Variants in KANSL3 observed in about 807,000 individuals in gnomAD.
KANSL3 encodes KAT8 regulatory NSL complex subunit 3.
KANSL3 carries 16 observed loss-of-function variants against 89.2 expected under a neutral mutation model. The ratio of observed to expected loss-of-function variants is 0.18; its 90% confidence interval spans 0.12 to 0.27. KANSL3 has a LOEUF of 0.27. Ranked by LOEUF, KANSL3 falls within the 10% of genes least tolerant of loss-of-function variation. The probability of loss-of-function intolerance (pLI) is 1.00; values close to 1 mark genes in which losing one functional copy is unlikely to be tolerated. For missense variants in KANSL3, 879 were observed against 1,110.6 expected (o/e 0.79, Z 2.96); for synonymous variants, 385 against 419.7 (o/e 0.92, Z 1.01).
At chr2:96,583,447 A>G in the KANSL3 span, among the ~76,000 whole-genome samples, 1 of 152,154 alleles carries the variant, frequency 6.6e-6, no homozygotes, top group African/African-American at 2.4e-5. Context: ...GTCTCTCTCA[A>G]TCATGATCTG....
chr2:96,580,737 T>C, the KANSL3 span, among the ~76,000 whole-genome samples: 1 of 152,256 alleles, frequency 6.6e-6, no homozygotes, highest in East Asian at 1.9e-4. Flanking sequence ...AAAAGTGTCA[T>C]GTGTGGAATC....
intron 14 of KANSL3, chr2:96,606,947 A>G (rs1472194798): frequency 8.0e-7 from 1 of 1,244,188 alleles, no homozygotes; most frequent in Admixed American, 2.3e-5. Context: ...GTGGACGAGC[A>G]GGCAAGAAAG....
At chr2:96,612,639 C>A in intron 7 of KANSL3, 76 bp from the exon 8 acceptor site, 1 of 1,337,398 alleles carries the variant, frequency 7.5e-7, no homozygotes. Context: ...CTAACCTAAA[C>A]CCAAAACCTT....
intron 20 of KANSL3, chr2:96,598,134 A>G: frequency 1.0e-6 from 1 of 985,438 alleles, no homozygotes; most frequent in South Asian, 4.7e-5. Flanking sequence ...GTTGTCCATC[A>G]ACATGGCATC....
intron 14 of KANSL3, among the ~76,000 whole-genome samples, chr2:96,608,130 A>C (rs1346178730): frequency 6.6e-6 from 1 of 152,248 alleles, no homozygotes; most frequent in Non-Finnish European, 1.5e-5. Flanking sequence ...AAACAAAGAA[A>C]GGGCATGATG....
At position 96,637,129 on chromosome 2, in the gene KANSL3, G is replaced by A. The variant is rs1366583714; in HGVS notation, c.7C>T (p.His3Tyr). ...TGGAAGTCCCTCTCCCCACCCCGGT[G>A]GGCCATGTCAGTGGAGGGGCAGAAA... MA[H>Y]RGGERDFQTS... Residue 3 changes from histidine to tyrosine, a missense_variant, in exon 2 of 21, where the codon CAC becomes TAC. Physicochemically the swap from His to Tyr is moderately conservative, Grantham distance 83 (BLOSUM62 2). Around this residue, in one of 6 missense-constraint regions of KANSL3, gnomAD observed 210 missense variants for 311.9 expected, o/e 0.67. Coordinates refer to ENST00000431828, the MANE Select transcript of KANSL3 (RefSeq NM_001115016.3). 2 of 1,550,890 alleles carry A rather than the reference G, an allele frequency of 1.3e-6. No individual in the cohort carries two copies. The highest frequency in any genetic ancestry group is 1.7e-6 in the Non-Finnish European group (2 of 1,146,440).
chr2:96,608,699 T>C (rs1348234571), intron 13 of KANSL3, 35 bp from the exon 14 acceptor site: 1 of 1,613,488 alleles, frequency 6.2e-7, no homozygotes, highest in Non-Finnish European at 8.5e-7. Flanking sequence ...GATGAGACAA[T>C]GTTACTAGGA....
At chr2:96,631,104 T>G (rs1021316565) in intron 3 of KANSL3, among the ~76,000 whole-genome samples, 3 of 152,194 alleles carry the variant, frequency 2.0e-5, no homozygotes, top group African/African-American at 7.2e-5. Flanking sequence ...CGTCCTAGTG[T>G]GAAGTATGCA....
At position 96,604,872 on chromosome 2, in the gene KANSL3, C is replaced by T. The variant is rs376660012; in HGVS notation, c.1934-9G>A. 5.0e-5 allele frequency: 79 copies of T among 1,582,954 alleles called. No individual in the cohort carries two copies. In the Middle Eastern group the frequency reaches 1.8e-3, roughly 37 times the overall value. ...GGGCTTCCCACCTGCAGCTTCAAAA[C>T]AGAAAACCCCAAGGCCCCTGGTCAG... On this transcript the variant is annotated splice_polypyrimidine_tract_variant and intron_variant, in intron 15 of 20. Transcript: ENST00000431828.
the KANSL3 span, among the ~76,000 whole-genome samples, chr2:96,582,202 C>T: frequency 6.6e-6 from 1 of 152,002 alleles, no homozygotes; most frequent in African/African-American, 2.4e-5. Flanking sequence ...CCAGCTTGGC[C>T]AAATGGTAAG....
chr2:96,631,754 A>G (rs748396309), intron 2 of KANSL3, among the ~76,000 whole-genome samples: 1 of 151,888 alleles, frequency 6.6e-6, no homozygotes, highest in Non-Finnish European at 1.5e-5. Context: ...TTTTTTTTTA[A>G]GATAAATATG....
At chr2:96,635,482 A>C (rs1474007897) in intron 2 of KANSL3, among the ~76,000 whole-genome samples, 2 of 152,260 alleles carry the variant, frequency 1.3e-5, no homozygotes, top group African/African-American at 4.8e-5. Context: ...CAGGAGTTTT[A>C]ATGTCAGCAA....
chr2:96,610,579 T>A (rs1378512590), intron 11 of KANSL3, 147 bp downstream of exon 11: 1 of 753,596 alleles, frequency 1.3e-6, no homozygotes, highest in Non-Finnish European at 2.1e-6. Flanking sequence ...CCTCCCAAAG[T>A]CCTGGGATTA....
At chr2:96,628,137 A>C in intron 3 of KANSL3, 3 of 1,289,896 alleles carry the variant, frequency 2.3e-6, no homozygotes. Context: ...TCTAAAGGAC[A>C]GGCAGGAGAA....
intron 3 of KANSL3, among the ~76,000 whole-genome samples, chr2:96,620,506 CT>C (rs756759627): frequency 6.6e-6 from 1 of 152,134 alleles, no homozygotes; most frequent in Non-Finnish European, 1.5e-5. Flanking sequence ...TTGCAGACAT[CT>C]ATCCTACTGT....
rs750835796 is a variant in KANSL3, at chr2:96,602,771, G to A, written c.2241C>T (p.Ser747=). ...TGTGCACCTGTGGGGCTGGTCCTGG[G>A]GAGGGATTTGCTGGAAGGCCAGAGG... ...SKTSGLPANP[S]PGPAPQATSV... is the part of the protein sequence containing the mutation. Residue 747 remains serine, a synonymous_variant, in exon 18 of 21, where the codon TCC becomes TCT. Coordinates refer to ENST00000431828, the MANE Select transcript of KANSL3 (RefSeq NM_001115016.3). 3.1e-6 allele frequency: 5 copies of A among 1,604,032 alleles called. No individual in the cohort carries two copies. The highest frequency in any genetic ancestry group is 2.2e-5 in the South Asian group (2 of 89,120).
downstream of KANSL3, among the ~76,000 whole-genome samples, chr2:96,591,253 T>C (rs1347247688): frequency 3.3e-5 from 5 of 152,170 alleles, no homozygotes; most frequent in Non-Finnish European, 7.3e-5. Context: ...CAAAAGGCCA[T>C]GCACTGTAAG....
chr2:96,588,268 T>A (rs567173626), downstream of KANSL3, among the ~76,000 whole-genome samples: 51 of 151,970 alleles, frequency 3.4e-4, no homozygotes, highest in Non-Finnish European at 5.3e-4. Flanking sequence ...CAACACCTTA[T>A]CTACAAACGG....
intron 14 of KANSL3, among the ~76,000 whole-genome samples, chr2:96,608,271 A>T (rs1033100125): frequency 2.4e-4 from 37 of 152,218 alleles, no homozygotes; most frequent in African/African-American, 8.7e-4. Flanking sequence ...CATAAAGCCT[A>T]GCCTCCCCAG....
Sources: allele counts gnomAD v4.1 joint callset (sites outside exome capture counted in the v4.1 genomes callset), GRCh38; gene constraint gnomAD v4.1.1; regional missense constraint gnomAD v4.1.1; transcripts MANE v1.5; gene names NCBI Gene and HGNC (gene_info 2026-07-23, HGNC 2026-07-21).